The following BICC1 variants were observed in gnomAD, a reference collection of about 807,000 sequenced individuals.
BICC1 encodes protein bicaudal C homolog 1.
Under a neutral mutation model 111.0 loss-of-function variants are expected in BICC1, and 43 were observed. The observed-to-expected ratio is 0.39, with a 90% CI of 0.30 to 0.50. BICC1 has a LOEUF of 0.50. BICC1 is among the 20% of genes least tolerant of loss of function. The pLI is 0.88. For synonymous variants in BICC1, 467 were observed against 434.4 expected (o/e 1.07, Z -0.93); for missense variants, 1,091 against 1,203.2 (o/e 0.91, Z 1.38).
At chr10:58,785,373 A>G (rs549855727) in intron 4 of BICC1, among the ~76,000 whole-genome samples, 1 of 152,324 alleles carries the variant, frequency 6.6e-6, no homozygotes, top group East Asian at 1.9e-4. Flanking sequence ...ACATGTACAT[A>G]TATACCATCT....
chr10:58,672,483 T>A (rs974209371), intron 2 of BICC1, among the ~76,000 whole-genome samples: 1 of 152,232 alleles, frequency 6.6e-6, no homozygotes, highest in African/African-American at 2.4e-5. Flanking sequence ...ATGCTTCATA[T>A]TGCAGCTTAG....
At chr10:58,758,271 G>T (rs1179711293) in intron 3 of BICC1, among the ~76,000 whole-genome samples, 3 of 152,122 alleles carry the variant, frequency 2.0e-5, no homozygotes, top group African/African-American at 7.2e-5. Flanking sequence ...TTTAGCATGT[G>T]CCATATATAC....
intron 15 of BICC1, among the ~76,000 whole-genome samples, chr10:58,804,173 T>C (rs1339974653): frequency 2.0e-5 from 3 of 151,578 alleles, no homozygotes; most frequent in African/African-American, 7.3e-5. Flanking sequence ...TTTCGATGAA[T>C]TTTTTTTTAA....
chr10:58,667,958 G>A (rs985455468), intron 2 of BICC1, among the ~76,000 whole-genome samples: 1 of 152,008 alleles, frequency 6.6e-6, no homozygotes, highest in Admixed American at 6.6e-5. Context: ...AAGTGTTCAT[G>A]GATACCAGAT....
chr10:58,731,776 A>C (rs1159745211), intron 3 of BICC1, among the ~76,000 whole-genome samples: 4 of 151,518 alleles, frequency 2.6e-5, no homozygotes, highest in African/African-American at 7.3e-5. Flanking sequence ...AAACAATCAG[A>C]TCTCTCAAAA....
At chr10:58,706,873 A>G (rs1184553132) in intron 3 of BICC1, among the ~76,000 whole-genome samples, 1 of 147,372 alleles carries the variant, frequency 6.8e-6, no homozygotes, top group Non-Finnish European at 1.5e-5. Flanking sequence ...TTATTGCACT[A>G]TGAAAACAGA....
At chr10:58,564,736 G>T (rs1843704910) in intron 1 of BICC1, among the ~76,000 whole-genome samples, 1 of 152,108 alleles carries the variant, frequency 6.6e-6, no homozygotes, top group African/African-American at 2.4e-5. Flanking sequence ...AAACCCATTT[G>T]ATATGAATTT....
At chr10:58,611,566 C>T (rs1845420973) in intron 1 of BICC1, among the ~76,000 whole-genome samples, 1 of 151,660 alleles carries the variant, frequency 6.6e-6, no homozygotes, top group South Asian at 2.1e-4. Context: ...ACCTCCGCCT[C>T]CCAGGTTCAA....
intron 1 of BICC1, among the ~76,000 whole-genome samples, chr10:58,563,583 A>C (rs1306602959): frequency 6.6e-6 from 1 of 152,246 alleles, no homozygotes; most frequent in Admixed American, 6.5e-5. Context: ...TCTCTCTTAG[A>C]CATTCTACTC....
intron 1 of BICC1, among the ~76,000 whole-genome samples, chr10:58,583,063 T>G (rs2132016526): frequency 6.6e-6 from 1 of 152,228 alleles, no homozygotes; most frequent in Middle Eastern, 3.4e-3. Context: ...CACCCTAAAC[T>G]TAGTCTTCCT....
At chr10:58,645,617 A>G (rs938487886) in intron 2 of BICC1, among the ~76,000 whole-genome samples, 5 of 152,164 alleles carry the variant, frequency 3.3e-5, no homozygotes, top group African/African-American at 1.2e-4. Flanking sequence ...CCTGGCTCGC[A>G]GTGTAGTAAA....
chr10:58,675,392 A>T (rs1839307316), intron 2 of BICC1, among the ~76,000 whole-genome samples: 1 of 152,180 alleles, frequency 6.6e-6, no homozygotes, highest in Non-Finnish European at 1.5e-5. Flanking sequence ...AGATGAATGG[A>T]TAAAGAAATT....
At chr10:58,824,960 T>C (rs1171671472) in intron 20 of BICC1, among the ~76,000 whole-genome samples, 2 of 152,138 alleles carry the variant, frequency 1.3e-5, no homozygotes, top group African/African-American at 4.8e-5. Context: ...TTCAATTAAC[T>C]TTTTACCTTT....
chr10:58,606,764 G>T (rs1249942330), intron 1 of BICC1, among the ~76,000 whole-genome samples: 1 of 151,892 alleles, frequency 6.6e-6, no homozygotes, highest in Non-Finnish European at 1.5e-5. Context: ...TTTTCTTTCA[G>T]TTACAAATTG....
intron 20 of BICC1, chr10:58,823,246 C>T (rs936328436): frequency 2.4e-5 from 24 of 985,082 alleles, no homozygotes; most frequent in East Asian, 1.1e-4. Flanking sequence ...TGTTCAGATC[C>T]GCAACAAGAT....
chr10:58,679,131 G>T (rs78381864), intron 2 of BICC1, among the ~76,000 whole-genome samples: 3 of 152,046 alleles, frequency 2.0e-5, no homozygotes, highest in African/African-American at 4.8e-5. Flanking sequence ...AAGAACTAGA[G>T]AAGCAAGAAT....
At chr10:58,772,340 A>G (rs998056141) in intron 3 of BICC1, among the ~76,000 whole-genome samples, 8 of 152,194 alleles carry the variant, frequency 5.3e-5, no homozygotes, top group Non-Finnish European at 1.0e-4. Flanking sequence ...GGCTTCTCTC[A>G]CTTGCCTCTA....
intron 2 of BICC1, among the ~76,000 whole-genome samples, chr10:58,671,472 A>G (rs1839183897): frequency 6.6e-6 from 1 of 152,140 alleles, no homozygotes. Context: ...CTGAATGATG[A>G]GATTTCTTAG....
intron 3 of BICC1, among the ~76,000 whole-genome samples, chr10:58,707,223 A>C (rs1354528332): frequency 2.6e-5 from 4 of 152,254 alleles, no homozygotes; most frequent in Non-Finnish European, 4.4e-5. Flanking sequence ...AAATGTTAGC[A>C]TGAGAAAAAT....
Sources: gnomAD v4.1 joint callset for allele counts (sites outside exome capture counted in the v4.1 genomes callset) on GRCh38, gnomAD v4.1.1 for gene constraint, MANE v1.5 for transcripts, NCBI Gene and HGNC (gene_info 2026-07-23, HGNC 2026-07-21) for gene names.